Variants in MYBL2 observed in about 807,000 individuals in gnomAD.
The protein encoded by MYBL2 is myb-related protein B.
A neutral mutation model predicts 79.9 loss-of-function variants in MYBL2; 28 were observed. The ratio of observed to expected loss-of-function variants is 0.35; its 90% CI spans 0.26 to 0.48. The LOEUF is 0.48. Ranked by LOEUF, MYBL2 falls within the 20% of genes least tolerant of loss-of-function variation. MYBL2 has a pLI of 0.99. For missense variants in MYBL2, 735 were observed against 893.9 expected (o/e 0.82, Z 2.27); for synonymous variants, 378 against 361.2 (o/e 1.05, Z -0.53).
At chr20:43,706,701 T>C (rs1426426529) in intron 9 of MYBL2, among the ~76,000 whole-genome samples, 1 of 53,134 alleles carries the variant, frequency 1.9e-5, no homozygotes, top group Non-Finnish European at 3.9e-5. Context: ...ACCCTGTCTG[T>C]ACACAAAAAA....
At chr20:43,676,712 T>C (rs890391766) in intron 2 of MYBL2, among the ~76,000 whole-genome samples, 35 of 152,220 alleles carry the variant, frequency 2.3e-4, no homozygotes, top group Non-Finnish European at 4.7e-4. Context: ...ATGTTTAGTT[T>C]TACAGAAACT....
In MYBL2 at chr20:43,715,377, G is replaced by T. The variant is rs560772132; in HGVS notation, c.1974+94G>T. 6.9e-5 allele frequency: 108 copies of T among 1,566,364 alleles called. 1 individual carries two copies. In the South Asian group the frequency reaches 1.1e-3, roughly 17 times the overall value. On this transcript the variant is annotated intron_variant, in intron 13 of 13. Coordinates refer to ENST00000217026, the MANE Select transcript of MYBL2 (RefSeq NM_002466.4). ...CATCCCTGGGGGTCCTGCAGTGCCCGCCTTCTTAGCTCAGGGCCTTTGCAT... is the reference window on the plus strand; with the variant it reads ...CATCCCTGGGGGTCCTGCAGTGCCCTCCTTCTTAGCTCAGGGCCTTTGCAT...
intron 5 of MYBL2, among the ~76,000 whole-genome samples, chr20:43,690,975 T>C (rs1987392777): frequency 6.6e-6 from 1 of 152,240 alleles, no homozygotes; most frequent in Non-Finnish European, 1.5e-5. Context: ...ACTACATGTT[T>C]CTCTGCTACT....
chr20:43,703,544 G>T (rs1987717852), intron 8 of MYBL2, among the ~76,000 whole-genome samples: 1 of 152,142 alleles, frequency 6.6e-6, no homozygotes, highest in South Asian at 2.1e-4. Flanking sequence ...TCTGGGCTGG[G>T]TCTCCTTGAG....
chr20:43,711,686 A>G, intron 11 of MYBL2, 85 bp downstream of exon 11: 5 of 1,245,368 alleles, frequency 4.0e-6, no homozygotes, highest in Non-Finnish European at 4.5e-6. Context: ...GGTTGTAGAA[A>G]GTGAGGCGCT....
rs559866704 is a variant in MYBL2, at chr20:43,709,298, C to T, written c.1506-665C>T. On this transcript the variant is annotated intron_variant, in intron 9 of 13. Coordinates refer to ENST00000217026, the MANE Select transcript of MYBL2 (RefSeq NM_002466.4). ...TTCCTTCAGAGCTGACATTTGCCCA[C>T]AGCCAGCCTGGCCCAGCCCCATACC... 2.0e-5 allele frequency among the ~76,000 whole-genome samples: 3 copies of T among 152,322 alleles called. No individual in the cohort carries two copies. The South Asian group carries it at 6.2e-4, about 32-fold the overall frequency.
At chr20:43,673,153 C>G (rs938162086) in intron 1 of MYBL2, among the ~76,000 whole-genome samples, 15 of 151,504 alleles carry the variant, frequency 9.9e-5, no homozygotes, top group African/African-American at 3.6e-4. Context: ...TGTGTTTGAT[C>G]AGGCTGGTCT....
intron 2 of MYBL2, among the ~76,000 whole-genome samples, chr20:43,674,236 T>TCCC (rs1986948789): frequency 2.8e-4 from 16 of 56,240 alleles, no homozygotes; most frequent in African/African-American, 5.3e-4. Context: ...CCCCCACCCT[T>TCCC]TTTTTTTTTT....
In MYBL2 at chr20:43,702,745, A is replaced by G; in HGVS notation, c.1207A>G (p.Ile403Val). ...SPSTEVGGSGIGTPPSVLKRQ... is the reference protein window; with the variant it reads ...SPSTEVGGSGVGTPPSVLKRQ... ...CAGCACTGAAGTCGGGGGCTCTGGC[A>G]TTGGCACACCGCCCTCTGTGCTCAA... The change falls in exon 8 of 14, where the codon ATT (isoleucine) becomes GTT (valine). Residue 403 changes from isoleucine to valine, a missense_variant. Coordinates refer to ENST00000217026, the MANE Select transcript of MYBL2 (RefSeq NM_002466.4). 1 of 1,614,168 alleles carries G rather than the reference A, an allele frequency of 6.2e-7. No homozygotes were observed. Among genetic ancestry groups the G allele is most frequent in the Non-Finnish European group, 8.5e-7 (1 of 1,180,018 alleles).
chr20:43,702,624 C>A lies in MYBL2; in HGVS notation c.1086C>A (p.Ser362=), dbSNP rs754074584. The A allele has an allele frequency of 6.2e-7, 1 of 1,614,116 alleles. No homozygotes were observed. The highest frequency in any genetic ancestry group is 2.2e-5 in the East Asian group (1 of 44,878). The stretch of plus-strand genomic sequence containing the variant: ...AAGTCCTGCCACCCCGCCAGCCTTC[C>A]GCCCTGGTGCCCAGTGTGACCGAGT... ...QQQVLPPRQP[S]ALVPSVTEYR... The change falls in exon 8 of 14, where the codon TCC becomes TCA. Residue 362 remains serine, a synonymous_variant. Transcript: ENST00000217026.
chr20:43,686,903 A>C lies in MYBL2; in HGVS notation c.331A>C (p.Lys111Gln). The C allele has an allele frequency of 3.1e-6, 5 of 1,614,204 alleles. No homozygotes were observed. Among genetic ancestry groups the C allele is most frequent in the Non-Finnish European group, 4.2e-6 (5 of 1,180,036 alleles). Residue 111 changes from lysine (K) to glutamine (Q), a missense_variant, in exon 5 of 14, where the codon AAG becomes CAG. By Grantham distance (53) the Lys-to-Gln change is moderately conservative. Around this residue, in one of 5 missense-constraint regions of MYBL2, gnomAD observed 65 missense variants for 145.2 expected, o/e 0.45. Coordinates refer to ENST00000217026, the MANE Select transcript of MYBL2 (RefSeq NM_002466.4). ...YGTKQWTLIA[K>Q]HLKGRLGKQC... ...CACAAAGCAGTGGACACTGATTGCC[A>C]AGCACCTGAAGGGCCGGCTGGGGAA...
intron 6 of MYBL2, among the ~76,000 whole-genome samples, chr20:43,698,690 G>A (rs1166061930): frequency 2.2e-5 from 3 of 137,250 alleles, no homozygotes; most frequent in Non-Finnish European, 3.1e-5. Context: ...TTTTAAATGA[G>A]CAGGGTCTTG....
chr20:43,715,827 A>T, intron 13 of MYBL2, 132 bp from the exon 14 acceptor site: 1 of 1,248,380 alleles, frequency 8.0e-7, no homozygotes, highest in Non-Finnish European at 1.1e-6. Flanking sequence ...GGGAATGTGG[A>T]GAGAGAATAA....
At chr20:43,671,310 C>T (rs1293969790) in intron 1 of MYBL2, among the ~76,000 whole-genome samples, 1 of 151,798 alleles carries the variant, frequency 6.6e-6, no homozygotes, top group Non-Finnish European at 1.5e-5. Context: ...CGCATGCCAC[C>T]ACACCCAGCT....
chr20:43,681,635 G>A (rs1987144714), intron 2 of MYBL2, 149 bp from the exon 3 acceptor site: 2 of 751,152 alleles, frequency 2.7e-6, no homozygotes, highest in Non-Finnish European at 4.5e-6. Context: ...GCCTGCTGCT[G>A]CAGCTGTAGT....
intron 8 of MYBL2, among the ~76,000 whole-genome samples, chr20:43,704,003 A>G (rs1487729437): frequency 6.6e-6 from 1 of 151,920 alleles, no homozygotes. Flanking sequence ...ATTAGGGCCC[A>G]CTCTAATGAC....
At chr20:43,709,918 C>A (rs1278805945) in intron 9 of MYBL2, 45 bp from the exon 10 acceptor site, 5 of 1,478,648 alleles carry the variant, frequency 3.4e-6, no homozygotes, top group South Asian at 1.2e-5. Context: ...TGCCTGGCGT[C>A]GGCCCCTATC....
chr20:43,700,698 C>G (rs1371020722), intron 7 of MYBL2, among the ~76,000 whole-genome samples: 1 of 152,096 alleles, frequency 6.6e-6, no homozygotes, highest in Non-Finnish European at 1.5e-5. Context: ...CCAGGTGTCT[C>G]CCATCCTAGA....
chr20:43,673,531 G>C (rs1173541778), intron 1 of MYBL2: 2 of 469,528 alleles, frequency 4.3e-6, no homozygotes, highest in Non-Finnish European at 8.1e-6. Flanking sequence ...CAGCTACTTA[G>C]GAGGCTGGGG....
Sources: allele counts gnomAD v4.1 joint callset (sites outside exome capture counted in the v4.1 genomes callset), GRCh38; gene constraint gnomAD v4.1.1; regional missense constraint gnomAD v4.1.1; transcripts MANE v1.5; gene names NCBI Gene and HGNC (gene_info 2026-07-23, HGNC 2026-07-21).